The following EPHB2 variants were observed in gnomAD, a reference collection of about 807,000 sequenced individuals.
EPHB2 encodes the protein EPH receptor B2.
EPHB2 carries 18 observed loss-of-function variants against 96.4 expected under a neutral mutation model. That is an observed-to-expected ratio of 0.19 (90% CI 0.13 to 0.28). The LOEUF is 0.28. EPHB2 is among the 10% of genes least tolerant of loss of function. The pLI is 1.00. For synonymous variants in EPHB2, 506 were observed against 534.1 expected (o/e 0.95, Z 0.72); for missense variants, 989 against 1,355.4 (o/e 0.73, Z 4.25).
At chr1:22,850,361 AC>A (rs1645607839) in intron 3 of EPHB2, among the ~76,000 whole-genome samples, 1 of 152,116 alleles carries the variant, frequency 6.6e-6, no homozygotes, top group Admixed American at 6.5e-5. Context: ...TGAACAGGGG[AC>A]CCGCACGTGG....
intron 3 of EPHB2, among the ~76,000 whole-genome samples, chr1:22,817,347 T>A (rs1449626322): frequency 2.6e-5 from 4 of 152,268 alleles, no homozygotes; most frequent in Admixed American, 2.6e-4. Context: ...ATTCCCATTT[T>A]ACAGATGAAA....
intron 3 of EPHB2, among the ~76,000 whole-genome samples, chr1:22,801,624 A>T (rs1232433451): frequency 1.3e-5 from 2 of 152,070 alleles, no homozygotes; most frequent in African/African-American, 2.4e-5. Flanking sequence ...ACACGAGGGG[A>T]TGGCCTACAG....
intron 11 of EPHB2, 107 bp downstream of exon 11, chr1:22,907,064 G>C (rs1639941325): frequency 1.3e-5 from 18 of 1,423,212 alleles, no homozygotes; most frequent in Non-Finnish European, 1.5e-5. Context: ...AAAGCTCTAG[G>C]TCAGGAATGG....
At chr1:22,746,130 AG>A in intron 1 of EPHB2, among the ~76,000 whole-genome samples, 1 of 152,280 alleles carries the variant, frequency 6.6e-6, no homozygotes, top group South Asian at 2.1e-4. Context: ...AGCCGTGGAA[AG>A]ATCGCACCAG....
intron 5 of EPHB2, among the ~76,000 whole-genome samples, chr1:22,872,125 G>A (rs148684318): frequency 1.9e-3 from 284 of 152,250 alleles, no homozygotes; most frequent in Middle Eastern, 0.014. Context: ...TGCTTAGAGG[G>A]GTTGTTAGCA....
intron 1 of EPHB2, among the ~76,000 whole-genome samples, chr1:22,751,011 A>T (rs983416528): frequency 6.6e-6 from 1 of 152,172 alleles, no homozygotes; most frequent in African/African-American, 2.4e-5. Flanking sequence ...CAGTAGCCTG[A>T]TTTTTTCCTT....
At chr1:22,829,634 C>T (rs56039680) in intron 3 of EPHB2, among the ~76,000 whole-genome samples, 35,011 of 152,104 alleles carry the variant, frequency 0.23, 4,320 homozygotes, top group East Asian at 0.45. Context: ...GGGAGGTGGA[C>T]GTGAATCAAG....
intron 3 of EPHB2, among the ~76,000 whole-genome samples, chr1:22,855,103 C>T (rs1036803494): frequency 1.1e-4 from 16 of 152,222 alleles, no homozygotes; most frequent in African/African-American, 3.6e-4. Context: ...TGCCAGGCAG[C>T]GCCTTCCTTG....
chr1:22,774,957 G>A (rs1644429185), intron 1 of EPHB2, among the ~76,000 whole-genome samples: 1 of 152,206 alleles, frequency 6.6e-6, no homozygotes, highest in African/African-American at 2.4e-5. Flanking sequence ...GAGGCCCAGA[G>A]AGCAGAACTG....
At chr1:22,718,727 A>T (rs1401588193) in intron 1 of EPHB2, among the ~76,000 whole-genome samples, 1 of 152,108 alleles carries the variant, frequency 6.6e-6, no homozygotes, top group African/African-American at 2.4e-5. Context: ...TAACAGCATT[A>T]TGTGTGTTGC....
At chr1:22,796,205 C>T (rs1304121461) in intron 3 of EPHB2, among the ~76,000 whole-genome samples, 3 of 152,200 alleles carry the variant, frequency 2.0e-5, no homozygotes, top group Admixed American at 6.5e-5. Flanking sequence ...GTGGGAAATA[C>T]ACAGTATGTC....
intron 1 of EPHB2, among the ~76,000 whole-genome samples, chr1:22,720,671 C>T (rs565133380): frequency 1.7e-5 from 2 of 119,118 alleles, no homozygotes; most frequent in African/African-American, 2.9e-5. Flanking sequence ...CCCCCCCCCC[C>T]CCGCCCCAGC....
intron 3 of EPHB2, among the ~76,000 whole-genome samples, chr1:22,855,677 A>C (rs892623889): frequency 6.6e-6 from 1 of 152,254 alleles, no homozygotes; most frequent in Non-Finnish European, 1.5e-5. Flanking sequence ...AAATGAATAT[A>C]ATAATAGCCA....
intron 3 of EPHB2, among the ~76,000 whole-genome samples, chr1:22,819,701 A>T (rs1335215904): frequency 6.6e-6 from 1 of 152,086 alleles, no homozygotes; most frequent in African/African-American, 2.4e-5. Flanking sequence ...AGCCCCCATT[A>T]GTGTCAGTAA....
At chr1:22,898,660 T>C (rs1446242770) in intron 9 of EPHB2, among the ~76,000 whole-genome samples, 1 of 152,092 alleles carries the variant, frequency 6.6e-6, no homozygotes, top group Non-Finnish European at 1.5e-5. Flanking sequence ...GTCTGGAGAA[T>C]GGACCAACGG....
At chr1:22,720,857 C>T (rs1048315493) in intron 1 of EPHB2, among the ~76,000 whole-genome samples, 17 of 151,994 alleles carry the variant, frequency 1.1e-4, no homozygotes, top group African/African-American at 3.4e-4. Context: ...ATATTCAAGA[C>T]CTAGTATGAG....
At chr1:22,801,299 A>C (rs1434983654) in intron 3 of EPHB2, among the ~76,000 whole-genome samples, 2 of 152,142 alleles carry the variant, frequency 1.3e-5, no homozygotes, top group Non-Finnish European at 2.9e-5. Flanking sequence ...CCAGGCCAGC[A>C]GAGGAGCTTT....
chr1:22,777,485 A>G (rs1644469110), intron 1 of EPHB2, among the ~76,000 whole-genome samples: 1 of 152,142 alleles, frequency 6.6e-6, no homozygotes, highest in African/African-American at 2.4e-5. Flanking sequence ...AGGGTGGAAA[A>G]AGGATGTGAT....
intron 3 of EPHB2, among the ~76,000 whole-genome samples, chr1:22,828,738 A>G (rs12090415): frequency 0.56 from 84,583 of 152,096 alleles, 23,663 homozygotes; most frequent in East Asian, 0.7. Context: ...ATAGAATTAT[A>G]GAATGTTGCA....
Sources: allele counts gnomAD v4.1 joint callset (sites outside exome capture counted in the v4.1 genomes callset), GRCh38; gene constraint gnomAD v4.1.1; transcripts MANE v1.5; gene names NCBI Gene and HGNC (gene_info 2026-07-23, HGNC 2026-07-21).